Variants in CORO2B observed in about 807,000 individuals in gnomAD.
CORO2B encodes the protein coronin 2B.
In CORO2B, 26 loss-of-function variants were observed where a neutral mutation model predicts 58.8. That is an observed-to-expected ratio of 0.44 (90% CI 0.32 to 0.61). The LOEUF (loss-of-function observed/expected upper bound fraction) is 0.61. Ranked by LOEUF, CORO2B falls within the 20% of genes least tolerant of loss-of-function variation. The pLI, the probability that CORO2B is intolerant of heterozygous loss-of-function variation, is 0.04. For synonymous variants in CORO2B, 242 were observed against 253.8 expected, an observed-to-expected ratio of 0.95 and a Z score of 0.44; for missense variants, 460 against 645.1, an observed-to-expected ratio of 0.71 and a Z score of 3.11.
At chr15:68,711,030 A>G (rs1251922760) in intron 4 of CORO2B, 149 bp downstream of exon 4, 5 of 952,694 alleles carry the variant, frequency 5.2e-6, no homozygotes, top group Non-Finnish European at 7.4e-6. Context: ...CATTCGCTAC[A>G]CGCAACTGAG....
intron 1 of CORO2B, 93 bp downstream of exon 1, chr15:68,579,370 G>A (rs1899361437): frequency 8.7e-7 from 1 of 1,146,182 alleles, no homozygotes; most frequent in African/African-American, 1.6e-5. Context: ...GGTGTGGGGA[G>A]GGGGCGCCGG....
chr15:68,674,553 C>G (rs1381962587), intron 2 of CORO2B, among the ~76,000 whole-genome samples: 1 of 152,184 alleles, frequency 6.6e-6, no homozygotes, highest in African/African-American at 2.4e-5. Flanking sequence ...CCATCACCCT[C>G]TTACTCACTG....
chr15:68,671,963 G>A (rs1296522406), intron 2 of CORO2B, among the ~76,000 whole-genome samples: 2 of 152,190 alleles, frequency 1.3e-5, no homozygotes, highest in African/African-American at 4.8e-5. Context: ...CTAAGGGGCA[G>A]TCAGGGGCTA....
the CORO2B span, among the ~76,000 whole-genome samples, chr15:68,526,241 G>T: frequency 6.6e-6 from 1 of 152,140 alleles, no homozygotes; most frequent in African/African-American, 2.4e-5. Flanking sequence ...TTACAGATGG[G>T]TCTTCATATA....
intron 1 of CORO2B, among the ~76,000 whole-genome samples, chr15:68,635,078 G>T (rs1228561290): frequency 6.6e-6 from 1 of 152,196 alleles, no homozygotes; most frequent in Non-Finnish European, 1.5e-5. Flanking sequence ...TGAGGCAGAT[G>T]ACCTGGGGCT....
the CORO2B span, among the ~76,000 whole-genome samples, chr15:68,532,054 CAT>C: frequency 3.3e-5 from 5 of 151,980 alleles, no homozygotes; most frequent in African/African-American, 1.2e-4. Context: ...TTTCCTCTGA[CAT>C]AGTGTCTTTT....
At chr15:68,724,591 C>T (rs990567765) in intron 11 of CORO2B, among the ~76,000 whole-genome samples, 6 of 152,196 alleles carry the variant, frequency 3.9e-5, no homozygotes, top group Non-Finnish European at 7.3e-5. Context: ...ATCTTCCACA[C>T]CCAATTCGGC....
At chr15:68,549,953 A>AAATAAATAAAT in the CORO2B span, among the ~76,000 whole-genome samples, 1,524 of 144,566 alleles carry the variant, frequency 0.011, 34 homozygotes, top group African/African-American at 0.036. Context: ...AAAATAAAAT[A>AAATAAATAAAT]AAATAAATAA....
chr15:68,704,298 G>A (rs1050182985), intron 3 of CORO2B, among the ~76,000 whole-genome samples: 1 of 151,732 alleles, frequency 6.6e-6, no homozygotes. Flanking sequence ...TATAAAACTT[G>A]GGTATGATCC....
intron 1 of CORO2B, among the ~76,000 whole-genome samples, chr15:68,628,437 C>T (rs1017333870): frequency 1.3e-5 from 2 of 152,174 alleles, no homozygotes; most frequent in African/African-American, 4.8e-5. Context: ...GCAGTATTTG[C>T]GAAGTGCTTT....
At chr15:68,642,677 C>T (rs1278469517) in intron 1 of CORO2B, among the ~76,000 whole-genome samples, 2 of 152,176 alleles carry the variant, frequency 1.3e-5, no homozygotes, top group African/African-American at 4.8e-5. Context: ...CCTGCCATCA[C>T]AGAGCAGTGC....
At chr15:68,595,262 C>T (rs1459407893) in intron 1 of CORO2B, among the ~76,000 whole-genome samples, 2 of 152,218 alleles carry the variant, frequency 1.3e-5, no homozygotes, top group Non-Finnish European at 2.9e-5. Context: ...GGGCCCCCTC[C>T]CTCTTTCCTC....
chr15:68,684,223 G>T (rs1902885616), intron 2 of CORO2B, among the ~76,000 whole-genome samples: 1 of 152,174 alleles, frequency 6.6e-6, no homozygotes, highest in Non-Finnish European at 1.5e-5. Flanking sequence ...AACCCCAGGA[G>T]ATTACACTTT....
chr15:68,577,493 G>A (rs1899310085), upstream of CORO2B, among the ~76,000 whole-genome samples: 1 of 152,278 alleles, frequency 6.6e-6, no homozygotes, highest in South Asian at 2.1e-4. Flanking sequence ...GGAGGCCGAG[G>A]CGGGTGGATC....
At chr15:68,520,354 C>T in the CORO2B span, among the ~76,000 whole-genome samples, 7 of 152,266 alleles carry the variant, frequency 4.6e-5, no homozygotes, top group South Asian at 2.1e-4. Flanking sequence ...CCATCAGTTA[C>T]TGAAAGAGGT....
At chr15:68,535,136 C>A in the CORO2B span, among the ~76,000 whole-genome samples, 1 of 152,200 alleles carries the variant, frequency 6.6e-6, no homozygotes, top group Non-Finnish European at 1.5e-5. Flanking sequence ...GGCACCTCAC[C>A]TTTTGCCCAC....
intron 1 of CORO2B, among the ~76,000 whole-genome samples, chr15:68,589,982 C>T (rs1333278868): frequency 1.3e-5 from 2 of 152,196 alleles, no homozygotes; most frequent in Admixed American, 6.5e-5. Flanking sequence ...CCCGGCTCTC[C>T]CTCCTGGAAG....
intron 1 of CORO2B, among the ~76,000 whole-genome samples, chr15:68,636,438 G>A (rs2140265023): frequency 6.6e-6 from 1 of 152,332 alleles, no homozygotes; most frequent in South Asian, 2.1e-4. Flanking sequence ...GATGCATGCT[G>A]CGTATCCTCC....
chr15:68,611,689 T>C (rs1214199116), intron 1 of CORO2B, among the ~76,000 whole-genome samples: 2 of 152,208 alleles, frequency 1.3e-5, no homozygotes, highest in African/African-American at 4.8e-5. Context: ...TTTATGCCTA[T>C]ATAATAGTTT....
Sources: allele counts gnomAD v4.1 joint callset (sites outside exome capture counted in the v4.1 genomes callset), GRCh38; gene constraint gnomAD v4.1.1; transcripts MANE v1.5; gene names NCBI Gene and HGNC (gene_info 2026-07-23, HGNC 2026-07-21).